Variants in IDI2 observed in about 807,000 individuals in gnomAD.
The protein encoded by IDI2 is isopentenyl-diphosphate delta-isomerase 2.
Under a neutral mutation model 14.8 loss-of-function variants are expected in IDI2, and 18 were observed. The observed-to-expected ratio is 1.22, with a 90% confidence interval of 0.84 to 1.80. The LOEUF (loss-of-function observed/expected upper bound fraction) is 1.80. Ranked by LOEUF, IDI2 falls within the 40% of genes most tolerant of loss-of-function variation. The pLI is 0.00. For missense variants in IDI2, 316 were observed against 283.2 expected (o/e 1.12, Z -0.83); for synonymous variants, 133 against 109.6 (o/e 1.21, Z -1.33).
intron 4 of IDI2, 71 bp downstream of exon 4, chr10:1,020,694 GAC>G: frequency 7.6e-7 from 1 of 1,323,094 alleles, no homozygotes; most frequent in Non-Finnish European, 9.9e-7. Flanking sequence ...ATCCAGCCTG[GAC>G]TTTGTTCACC....
intron 2 of IDI2, among the ~76,000 whole-genome samples, chr10:1,024,149 A>G (rs1349915900): frequency 6.6e-6 from 1 of 152,188 alleles, no homozygotes; most frequent in Non-Finnish European, 1.5e-5. Flanking sequence ...GCTGGGGCCT[A>G]TGGATTAAAA....
At position 1,022,691 on chromosome 10, in the gene IDI2, G is replaced by C; in HGVS notation, c.227C>G (p.Thr76Arg). 6.2e-7 allele frequency: 1 copy of C among 1,613,018 alleles called. No homozygotes were observed. Among genetic ancestry groups the C allele is most frequent in the Non-Finnish European group, 8.5e-7 (1 of 1,179,054 alleles). ...LIQQRSDTKV[T>R]FPGYFTDSCS... is the part of the protein sequence containing the mutation. Reference sequence around the variant, plus strand: ...TGGTTGAACGGACTCACCAGGAAACGTGACTTTCGTGTCCGACCTCTGCTG... The same window carrying C: ...TGGTTGAACGGACTCACCAGGAAACCTGACTTTCGTGTCCGACCTCTGCTG... Residue 76 changes from threonine (T) to arginine (R), a missense_variant, in exon 3 of 5, where the codon ACG becomes AGG. Transcript: ENST00000277517.
chr10:1,019,765 C>T lies in IDI2; in HGVS notation c.436G>A (p.Glu146Lys), dbSNP rs780341800. Residue 146 changes from glutamate to lysine, a missense_variant, in exon 5 of 5, where the codon GAG becomes AAG. By Grantham distance (56) the Glu-to-Lys change is moderately conservative (BLOSUM62 1). Transcript: ENST00000277517. ...AGCAGAAGGTAACAAATTTCATGCT[C>T]TCCCCAAATTCTGTCTGATTTTGCC... Reference protein sequence around the residue: ...HKAKSDRIWGEHEICYLLLVR... With the variant: ...HKAKSDRIWGKHEICYLLLVR... The T allele has an allele frequency of 1.2e-6, 2 of 1,614,006 alleles. No homozygotes were observed. Among genetic ancestry groups the T allele is most frequent in the South Asian group, 2.2e-5 (2 of 91,076 alleles).
At chr10:1,020,079 C>CA in intron 4 of IDI2, 1 of 553,284 alleles carries the variant, frequency 1.8e-6, no homozygotes, top group Non-Finnish European at 3.2e-6. Flanking sequence ...CTAACCGTGT[C>CA]ACACACACAT....
intron 2 of IDI2, 126 bp from the exon 3 acceptor site, chr10:1,022,901 G>T: frequency 1.5e-6 from 1 of 667,238 alleles, no homozygotes; most frequent in East Asian, 2.7e-5. Flanking sequence ...GCAGGGCAAA[G>T]GGGACTGCTG....
At chr10:1,020,722 A>C in intron 4 of IDI2, 45 bp downstream of exon 4, 1 of 1,555,544 alleles carries the variant, frequency 6.4e-7, no homozygotes, top group Non-Finnish European at 8.7e-7. Context: ...CCCGCTGCCA[A>C]CCTGGACTCC....
chr10:1,024,564 A>T lies in IDI2; in HGVS notation c.142+18T>A, dbSNP rs1832176388. 3.1e-6 allele frequency: 5 copies of T among 1,613,432 alleles called. No individual in the cohort carries two copies. The highest frequency in any genetic ancestry group is 4.2e-6 in the Non-Finnish European group (5 of 1,179,818). On this transcript the variant is annotated intron_variant, in intron 2 of 4. Transcript: ENST00000277517. The stretch of plus-strand genomic sequence containing the variant: ...GGAAAACCCTGGGAACTGGACAGAG[A>T]AAATGGGCGGGGGCTACCTTTCTCA...
intron 4 of IDI2, among the ~76,000 whole-genome samples, chr10:1,020,202 A>G (rs1375135736): frequency 2.0e-5 from 3 of 151,554 alleles, no homozygotes; most frequent in East Asian, 3.9e-4. Flanking sequence ...GATCCTGGAC[A>G]TTCTTTCTAC....
chr10:1,020,069 C>T, intron 4 of IDI2: 2 of 561,058 alleles, frequency 3.6e-6, no homozygotes. Context: ...ATTTAAAGAA[C>T]TAACCGTGTC....
chr10:1,020,615 G>A, intron 4 of IDI2, 152 bp downstream of exon 4: 1 of 729,998 alleles, frequency 1.4e-6, no homozygotes, highest in African/African-American at 1.8e-5. Context: ...CCCATTCACA[G>A]CTCATTCACA....
intron 3 of IDI2, 136 bp from the exon 4 acceptor site, chr10:1,021,033 A>G: frequency 1.1e-6 from 1 of 947,920 alleles, no homozygotes; most frequent in South Asian, 1.7e-5. Context: ...TGGGTTTGTC[A>G]TGGGCTCTCA....
intron 2 of IDI2, 106 bp downstream of exon 2, chr10:1,024,476 G>T (rs1832174253): frequency 1.6e-6 from 2 of 1,251,280 alleles, no homozygotes; most frequent in Non-Finnish European, 2.2e-6. Flanking sequence ...GTGACCCAGT[G>T]GTCGCCTCCT....
chr10:1,020,310 A>C (rs7908239), intron 4 of IDI2, among the ~76,000 whole-genome samples: 151,181 of 152,006 alleles, frequency 0.99, 75,184 homozygotes, highest in Non-Finnish European at 1. Flanking sequence ...GCAACCTCTG[A>C]CTCCCAAGTA....
chr10:1,020,572 A>G (rs1030424604), intron 4 of IDI2, among the ~76,000 whole-genome samples, 195 bp downstream of exon 4: 8 of 152,246 alleles, frequency 5.3e-5, no homozygotes, highest in Non-Finnish European at 1.2e-4. Context: ...ACACTGCCCC[A>G]TCCACAGCTA....
Position 1,024,621 on chromosome 10 carries a change from T to G in IDI2, c.103A>C (p.Thr35Pro), listed in dbSNP as rs781474054. 4 of 1,614,048 alleles carry G rather than the reference T, an allele frequency of 2.5e-6. No individual in the cohort carries two copies. Among genetic ancestry groups the G allele is most frequent in the Non-Finnish European group, 3.4e-6 (4 of 1,180,042 alleles). ...DENDKVIGAD[T>P]KRNCHLNENI... ...TCGTTCAGATGGCAATTCCTCTTGG[T>G]GTCGGCACCAATAACCTTATCATTC... Residue 35 changes from threonine (T) to proline (P), a missense_variant, in exon 2 of 5, where the codon ACC (threonine) becomes CCC (proline). Coordinates refer to ENST00000277517, the MANE Select transcript of IDI2 (RefSeq NM_033261.3).
At chr10:1,025,068 A>C (rs1832191888) in intron 1 of IDI2, among the ~76,000 whole-genome samples, 1 of 135,518 alleles carries the variant, frequency 7.4e-6, no homozygotes, top group Non-Finnish European at 1.6e-5. Context: ...CACCGAGGTA[A>C]ACTGTAGGTA....
chr10:1,022,945 G>A (rs984524398), intron 2 of IDI2, among the ~76,000 whole-genome samples, 170 bp from the exon 3 acceptor site: 2 of 152,278 alleles, frequency 1.3e-5, no homozygotes, highest in East Asian at 3.9e-4. Context: ...AATCTCAGCG[G>A]ATTAGAACAC....
rs758996447 is a variant in IDI2, at chr10:1,024,610, A to G, written c.114T>C (p.Asn38=). Residue 38 remains asparagine, a synonymous_variant, in exon 2 of 5, where the codon AAT becomes AAC. Transcript: ENST00000277517. ...TCTCAATGTTTTCGTTCAGATGGCAATTCCTCTTGGTGTCGGCACCAATAA... is the reference window on the plus strand; with the variant it reads ...TCTCAATGTTTTCGTTCAGATGGCAGTTCCTCTTGGTGTCGGCACCAATAA... The part of the protein sequence containing the change: ...DKVIGADTKR[N]CHLNENIEKG... The G allele has an allele frequency of 1.5e-5, 25 of 1,613,950 alleles. No homozygotes were observed. The highest frequency in any genetic ancestry group is 6.6e-5 in the South Asian group (6 of 91,072).
chr10:1,020,686 C>T, intron 4 of IDI2, 81 bp downstream of exon 4: 2 of 1,408,052 alleles, frequency 1.4e-6, no homozygotes, highest in Non-Finnish European at 1.9e-6. Flanking sequence ...TGGTGTAGAT[C>T]CAGCCTGGAC....
Sources: allele counts gnomAD v4.1 joint callset (sites outside exome capture counted in the v4.1 genomes callset), GRCh38; gene constraint gnomAD v4.1.1; transcripts MANE v1.5; gene names NCBI Gene and HGNC (gene_info 2026-07-23, HGNC 2026-07-21).